The following CHRM5 variants were observed in gnomAD, a reference collection of about 807,000 sequenced individuals.
CHRM5 encodes cholinergic receptor muscarinic 5.
Under a neutral mutation model 39.0 loss-of-function variants are expected in CHRM5, and 18 were observed. The ratio of observed to expected loss-of-function variants is 0.46; its 90% CI spans 0.32 to 0.68. CHRM5 has a LOEUF of 0.68. CHRM5 is among the 30% of genes least tolerant of loss of function. The pLI is 0.04. For missense variants in CHRM5, 515 were observed against 651.1 expected (o/e 0.79, Z 2.28); for synonymous variants, 241 against 246.3 (o/e 0.98, Z 0.20).
intron 1 of CHRM5, among the ~76,000 whole-genome samples, chr15:34,009,313 T>G (rs1489987018): frequency 6.6e-6 from 1 of 152,096 alleles, no homozygotes; most frequent in Non-Finnish European, 1.5e-5. Context: ...CAAATCCACA[T>G]GAAAAAAACA....
intron 1 of CHRM5, among the ~76,000 whole-genome samples, chr15:33,985,719 T>C (rs1405635303): frequency 1.3e-5 from 2 of 152,140 alleles, no homozygotes; most frequent in African/African-American, 2.4e-5. Flanking sequence ...GGTAAGTAAG[T>C]ACCTATAAGC....
intron 1 of CHRM5, among the ~76,000 whole-genome samples, chr15:34,002,518 C>T (rs1322974049): frequency 9.0e-6 from 1 of 111,044 alleles, no homozygotes; most frequent in Non-Finnish European, 2.3e-5. Context: ...CACGGAAAGG[C>T]TGGGTTTTTC....
intron 1 of CHRM5, among the ~76,000 whole-genome samples, chr15:33,986,494 T>C (rs1011228728): frequency 6.6e-6 from 1 of 152,040 alleles, no homozygotes; most frequent in African/African-American, 2.4e-5. Context: ...TAAAACCACA[T>C]TAATTATCTA....
intron 1 of CHRM5, among the ~76,000 whole-genome samples, chr15:34,026,424 G>A (rs756063997): frequency 5.3e-5 from 8 of 152,014 alleles, no homozygotes; most frequent in Non-Finnish European, 8.8e-5. Context: ...AAGGAAACAC[G>A]GATTAATTTT....
chr15:33,983,148 G>GTGTA (rs1555512734), intron 1 of CHRM5, among the ~76,000 whole-genome samples: 1 of 137,546 alleles, frequency 7.3e-6, no homozygotes, highest in Admixed American at 7.1e-5. Context: ...GTGTGTGTGT[G>GTGTA]TGTGTGTGTG....
At chr15:33,997,588 C>T (rs528888669) in intron 1 of CHRM5, among the ~76,000 whole-genome samples, 166 of 152,260 alleles carry the variant, frequency 1.1e-3, no homozygotes, top group African/African-American at 2.8e-3. Context: ...CCACTTCCCA[C>T]CTCTCCAACT....
intron 1 of CHRM5, among the ~76,000 whole-genome samples, chr15:34,040,351 A>G (rs894348238): frequency 9.2e-5 from 14 of 152,316 alleles, no homozygotes; most frequent in African/African-American, 3.1e-4. Context: ...CATGAGAAAT[A>G]GACCCCTGAG....
chr15:34,007,978 C>A (rs1897436205), intron 1 of CHRM5, among the ~76,000 whole-genome samples: 1 of 152,172 alleles, frequency 6.6e-6, no homozygotes, highest in Admixed American at 6.5e-5. Context: ...CTACCTTAAT[C>A]AAGTAAGACC....
intron 1 of CHRM5, among the ~76,000 whole-genome samples, chr15:34,031,438 G>A (rs1898815610): frequency 6.6e-6 from 1 of 152,098 alleles, no homozygotes; most frequent in African/African-American, 2.4e-5. Flanking sequence ...GCCTCCCAAA[G>A]TGCTGGGATT....
intron 1 of CHRM5, among the ~76,000 whole-genome samples, chr15:33,981,108 C>T (rs1328790984): frequency 6.6e-6 from 1 of 151,910 alleles, no homozygotes; most frequent in Non-Finnish European, 1.5e-5. Flanking sequence ...GACAGCAACC[C>T]CTCTTAATTT....
chr15:33,980,777 T>C (rs1896103341), intron 1 of CHRM5, among the ~76,000 whole-genome samples: 1 of 152,162 alleles, frequency 6.6e-6, no homozygotes, highest in African/African-American at 2.4e-5. Flanking sequence ...CCTTAACTAG[T>C]TCCCAAATCC....
At chr15:34,015,683 T>G (rs988800613) in intron 1 of CHRM5, among the ~76,000 whole-genome samples, 3 of 152,040 alleles carry the variant, frequency 2.0e-5, no homozygotes, top group African/African-American at 7.2e-5. Context: ...GAAAAAAAAG[T>G]GGGTAGAGAG....
chr15:34,043,207 A>G (rs897494192), intron 1 of CHRM5, among the ~76,000 whole-genome samples: 8 of 151,264 alleles, frequency 5.3e-5, no homozygotes, highest in East Asian at 1.9e-4. Context: ...AGATCACACC[A>G]CTGCACTCCA....
intron 1 of CHRM5, among the ~76,000 whole-genome samples, chr15:33,982,148 T>G (rs1440895156): frequency 6.6e-6 from 1 of 152,100 alleles, no homozygotes; most frequent in East Asian, 1.9e-4. Context: ...ATTACAGGCA[T>G]GAACCACCAC....
At chr15:34,054,326 G>A (rs1900048368) in intron 2 of CHRM5, among the ~76,000 whole-genome samples, 1 of 152,154 alleles carries the variant, frequency 6.6e-6, no homozygotes, top group African/African-American at 2.4e-5. Context: ...TCTCATTACT[G>A]AGTATATACC....
intron 2 of CHRM5, among the ~76,000 whole-genome samples, chr15:34,048,156 G>A (rs548317142): frequency 8.5e-5 from 13 of 152,284 alleles, no homozygotes; most frequent in South Asian, 4.1e-4. Context: ...GATTACAGGC[G>A]TAAGCCACCA....
intron 1 of CHRM5, among the ~76,000 whole-genome samples, chr15:34,035,449 A>T (rs889332139): frequency 6.6e-6 from 1 of 152,048 alleles, no homozygotes; most frequent in Non-Finnish European, 1.5e-5. Flanking sequence ...TCAAATCTCA[A>T]AGTCATTCCA....
At chr15:33,974,610 T>A (rs1406087969) in intron 1 of CHRM5, among the ~76,000 whole-genome samples, 1 of 152,218 alleles carries the variant, frequency 6.6e-6, no homozygotes, top group African/African-American at 2.4e-5. Flanking sequence ...ATGCTCAGGG[T>A]ACATGAATAA....
chr15:34,011,891 G>A (rs974617815), intron 1 of CHRM5, among the ~76,000 whole-genome samples: 5 of 152,310 alleles, frequency 3.3e-5, no homozygotes, highest in African/African-American at 9.6e-5. Context: ...ATGACTTAAG[G>A]ATAATTTGGG....
Sources: gnomAD v4.1 joint callset for allele counts (sites outside exome capture counted in the v4.1 genomes callset) on GRCh38, gnomAD v4.1.1 for gene constraint, MANE v1.5 for transcripts, NCBI Gene and HGNC (gene_info 2026-07-23, HGNC 2026-07-21) for gene names.